Variants in GMEB1 observed in about 807,000 individuals in gnomAD.
GMEB1 encodes the protein glucocorticoid modulatory element-binding protein 1.
A neutral mutation model predicts 52.4 loss-of-function variants in GMEB1; 6 were observed. The ratio of observed to expected loss-of-function variants is 0.11; its 90% confidence interval spans 0.06 to 0.23. The LOEUF (loss-of-function observed/expected upper bound fraction) is 0.23, where lower values mean the gene tolerates loss of function less well. GMEB1 is among the 10% of genes least tolerant of loss of function. GMEB1 has a pLI of 1.00. For missense variants in GMEB1, 486 were observed against 685.6 expected (o/e 0.71, Z 3.25); for synonymous variants, 255 against 244.9 (o/e 1.04, Z -0.38).
At chr1:28,711,568 C>T (rs745430801) in intron 9 of GMEB1, among the ~76,000 whole-genome samples, 18 of 152,126 alleles carry the variant, frequency 1.2e-4, no homozygotes, top group Non-Finnish European at 2.5e-4. Context: ...GTGACCCTCC[C>T]ACCTCAGCCT....
At chr1:28,702,410 G>A (rs1670558725) in intron 6 of GMEB1, 28 bp from the exon 7 acceptor site, 12 of 1,605,650 alleles carry the variant, frequency 7.5e-6, no homozygotes, top group Non-Finnish European at 1.0e-5. Flanking sequence ...TAAATTCACT[G>A]TTCTCACCTC....
rs1671301116 is a variant in GMEB1, at chr1:28,717,269, A to AC, written c.*2496_*2497insC. 1 of 150,300 alleles carries AC rather than the reference A, an allele frequency of 6.7e-6. No individual in the cohort carries two copies. Among genetic ancestry groups the AC allele is most frequent in the South Asian group, 2.1e-4 (1 of 4,680 alleles). The allele number at this position is 150,300 out of a possible 1,614,324, so 9.3% of individuals were successfully genotyped here. On this transcript the variant is annotated 3_prime_UTR_variant, in exon 10 of 10. Transcript: ENST00000373816. The stretch of plus-strand genomic sequence containing the variant: ...CAATGGTGTGATCTCAGCTCACTGC[A>AC]ACCTCCGCCTCCTTGGTTCAAGTGA...
chr1:28,686,974 G>A (rs1669676109), intron 2 of GMEB1, among the ~76,000 whole-genome samples: 1 of 152,050 alleles, frequency 6.6e-6, no homozygotes, highest in African/African-American at 2.4e-5. Flanking sequence ...GGTCACAAAG[G>A]AGGAAGTAAG....
rs570796277 is a variant in GMEB1, at chr1:28,697,922, G to A, written c.598+838G>A. On this transcript the variant is annotated intron_variant, in intron 6 of 9. Coordinates refer to ENST00000373816, the MANE Select transcript of GMEB1 (RefSeq NM_001319674.2). ...TGGGAGGCTGAGGCAGGCGGATCAC[G>A]AGGTCAGGAGATTGAGACCATCCTG... Among the ~76,000 whole-genome samples the A allele has an allele frequency of 3.3e-5, 5 of 151,836 alleles. No individual in the cohort carries two copies. In the South Asian group the frequency reaches 8.3e-4, roughly 25 times the overall value.
At chr1:28,677,270 T>G (rs1244337687) in intron 1 of GMEB1, among the ~76,000 whole-genome samples, 1 of 152,176 alleles carries the variant, frequency 6.6e-6, no homozygotes, top group African/African-American at 2.4e-5. Flanking sequence ...TTTTCTTTTT[T>G]TTTTGGAGAT....
intron 9 of GMEB1, 95 bp from the exon 10 acceptor site, chr1:28,713,978 A>G: frequency 1.1e-6 from 1 of 910,776 alleles, no homozygotes; most frequent in South Asian, 1.6e-5. Flanking sequence ...ACTTAGTAAC[A>G]AAACCAGACA....
chr1:28,672,755 T>TG (rs1246981658), intron 1 of GMEB1, among the ~76,000 whole-genome samples: 1 of 148,006 alleles, frequency 6.8e-6, no homozygotes, highest in Non-Finnish European at 1.5e-5. Flanking sequence ...TTTTTTTTTT[T>TG]GTTTTGACGG....
chr1:28,707,720 C>T (rs1670847930), intron 8 of GMEB1, among the ~76,000 whole-genome samples: 1 of 152,042 alleles, frequency 6.6e-6, no homozygotes, highest in African/African-American at 2.4e-5. Context: ...AGAGATGTCA[C>T]TCATCTAGAT....
At chr1:28,681,183 A>C (rs1669373044) in intron 1 of GMEB1, among the ~76,000 whole-genome samples, 1 of 152,174 alleles carries the variant, frequency 6.6e-6, no homozygotes, top group East Asian at 1.9e-4. Flanking sequence ...ACTCAAACCT[A>C]GTGAAGGAAT....
At position 28,702,514 on chromosome 1, in the gene GMEB1, T is replaced by A. The variant is rs1389056532; in HGVS notation, c.675T>A (p.Ala225=). The stretch of plus-strand genomic sequence containing the variant: ...TGGAATGGAACTCAGCTCTCACCGC[T>A]GCTGTCACCATGGCCACGGAGGAGG... ...AGLEWNSALT[A]AVTMATEEGV... is the part of the protein sequence containing the mutation. The change falls in exon 7 of 10, where the codon GCT becomes GCA. Residue 225 remains alanine, a synonymous_variant. Transcript: ENST00000373816. The A allele has an allele frequency of 1.2e-6, 2 of 1,613,730 alleles. No individual in the cohort carries two copies. The highest frequency in any genetic ancestry group is 2.2e-5 in the East Asian group (1 of 44,870).
intron 5 of GMEB1, among the ~76,000 whole-genome samples, chr1:28,693,281 T>G (rs1378062400): frequency 6.6e-6 from 1 of 150,890 alleles, no homozygotes; most frequent in Non-Finnish European, 1.5e-5. Flanking sequence ...TGCAGTGGCA[T>G]GATCTTGGCT....
rs754482690 is a variant in GMEB1, at chr1:28,714,264, A to G, written c.1183A>G (p.Ile395Val). Residue 395 changes from isoleucine to valine, a missense_variant, in exon 10 of 10, where the codon ATC (isoleucine) becomes GTC (valine). Ile to Val is a conservative substitution (Grantham distance 29, BLOSUM62 3). This residue lies in a region of GMEB1 where 2 missense variants were observed against 17.4 expected (regional missense o/e 0.12). Transcript: ENST00000373816. ...PPVQQPQFTV[I>V]SPITITPVGQ... ...TGTCCAGCAGCCTCAGTTCACAGTC[A>G]TCTCACCCATCACCATCACCCCAGT... The G allele has an allele frequency of 8.1e-6, 13 of 1,614,066 alleles. No homozygotes were observed. In the African/African-American group the frequency reaches 1.3e-4, roughly 17 times the overall value.
chr1:28,707,455 G>C (rs995512750), intron 8 of GMEB1, among the ~76,000 whole-genome samples: 4 of 152,028 alleles, frequency 2.6e-5, no homozygotes, highest in African/African-American at 9.7e-5. Flanking sequence ...GATTAGAGTG[G>C]GTAGCGGTAA....
At chr1:28,689,421 T>C (rs971721098) in intron 2 of GMEB1, among the ~76,000 whole-genome samples, 22 of 152,080 alleles carry the variant, frequency 1.4e-4, no homozygotes, top group Admixed American at 1.2e-3. Flanking sequence ...GGTCAGGAGA[T>C]TGAGACCATC....
chr1:28,685,205 G>T (rs1669583060), intron 2 of GMEB1, among the ~76,000 whole-genome samples: 1 of 151,974 alleles, frequency 6.6e-6, no homozygotes, highest in Non-Finnish European at 1.5e-5. Flanking sequence ...ATTTAAAAAG[G>T]GGTTCTTTTT....
At position 28,716,021 on chromosome 1, in the gene GMEB1, C is replaced by T. The variant is rs1376711988; in HGVS notation, c.*1248C>T. On this transcript the variant is annotated 3_prime_UTR_variant, in exon 10 of 10. Coordinates refer to ENST00000373816, the MANE Select transcript of GMEB1 (RefSeq NM_001319674.2). ...GGCTGAGGCAGGAGAATTGCTTGAA[C>T]CTGGGAGGCGGAGGTTGCAGTGAGC... 2 of 152,252 alleles carry T rather than the reference C, an allele frequency of 1.3e-5. No individual in the cohort carries two copies. The highest frequency in any genetic ancestry group is 2.9e-5 in the Non-Finnish European group (2 of 68,138). 9.4% of individuals were successfully genotyped at this position (152,252 alleles called of 1,614,324 possible).
Position 28,690,206 on chromosome 1 carries a change from T to TGG in GMEB1, c.211+20_211+21insGG, listed in dbSNP as rs777902461. The TGG allele has an allele frequency of 4.7e-5, 39 of 828,656 alleles. No homozygotes were observed. Among genetic ancestry groups the TGG allele is most frequent in the Admixed American group, 3.4e-4 (11 of 32,466 alleles). 51.3% of individuals were successfully genotyped at this position (828,656 alleles called of 1,614,324 possible). On this transcript the variant is annotated intron_variant, in intron 3 of 9. Coordinates refer to ENST00000373816, the MANE Select transcript of GMEB1 (RefSeq NM_001319674.2). ...GGATTGGTAAGGGTTTTTTTGTGTT[T>TGG]TTTTTTTTTTTTTTTTTTGTCATTC...
intron 9 of GMEB1, 126 bp from the exon 10 acceptor site, chr1:28,713,947 T>C: frequency 4.3e-6 from 3 of 703,908 alleles, no homozygotes; most frequent in Non-Finnish European, 7.4e-6. Context: ...AAGAAAACAA[T>C]GTCACAACTT....
In GMEB1 at chr1:28,715,050, A is replaced by G. The variant is rs1198825845; in HGVS notation, c.*277A>G. On this transcript the variant is annotated 3_prime_UTR_variant, in exon 10 of 10. Transcript: ENST00000373816. ...CTTTTAGGGGAAGTGTCAAGATAAC[A>G]AGTAACCCTGTCCAGAAAGCCATTT... The G allele has an allele frequency of 2.7e-6, 1 of 368,174 alleles. No individual in the cohort carries two copies. The highest frequency in any genetic ancestry group is 5.0e-6 in the Non-Finnish European group (1 of 200,934). The allele number at this position is 368,174 out of a possible 1,614,324, so 22.8% of individuals were successfully genotyped here.
Sources: allele counts gnomAD v4.1 joint callset (sites outside exome capture counted in the v4.1 genomes callset), GRCh38; gene constraint gnomAD v4.1.1; regional missense constraint gnomAD v4.1.1; transcripts MANE v1.5; gene names NCBI Gene and HGNC (gene_info 2026-07-23, HGNC 2026-07-21).